NFIC: variants seen among roughly 807,000 people sequenced by gnomAD.
The protein encoded by NFIC is nuclear factor I C.
A neutral mutation model predicts 54.4 loss-of-function variants in NFIC; 12 were observed. The observed-to-expected ratio is 0.22, with a 90% CI of 0.14 to 0.36. NFIC has a LOEUF of 0.36. Among genes scored for constraint, NFIC ranks in the 10% least tolerant of loss-of-function variants. The probability of loss-of-function intolerance (pLI) is 1.00; values close to 1 mark genes in which losing one functional copy is unlikely to be tolerated. For missense variants in NFIC, 575 were observed against 718.2 expected (o/e 0.80, Z 2.28); for synonymous variants, 322 against 319.2 (o/e 1.01, Z -0.09).
intron 1 of NFIC, among the ~76,000 whole-genome samples, chr19:3,377,459 A>G (rs2081128768): frequency 6.6e-6 from 1 of 151,912 alleles, no homozygotes; most frequent in African/African-American, 2.4e-5. Context: ...CTGTGCTAGG[A>G]AGGGATCACC....
Position 3,468,451 on chromosome 19 carries a change from C to G in NFIC, c.*5682C>G, listed in dbSNP as rs2122001726. Reference sequence around the variant, plus strand: ...GCCAGGCCCCCCCAAAACCAAAGCCCCCTCAAGTCCTGGGGTCCCAGCCTG... The same window carrying G: ...GCCAGGCCCCCCCAAAACCAAAGCCGCCTCAAGTCCTGGGGTCCCAGCCTG... On this transcript the variant is annotated 3_prime_UTR_variant, in exon 11 of 11. Coordinates refer to ENST00000443272, the MANE Select transcript of NFIC (RefSeq NM_001245002.2). The G allele has an allele frequency of 6.6e-6, 1 of 152,288 alleles. No homozygotes were observed. Among genetic ancestry groups the G allele is most frequent in the African/African-American group, 2.4e-5 (1 of 41,506 alleles). 9.4% of individuals were successfully genotyped at this position (152,288 alleles called of 1,614,324 possible).
chr19:3,444,026 G>A (rs1374441616), intron 6 of NFIC, among the ~76,000 whole-genome samples: 4 of 152,330 alleles, frequency 2.6e-5, no homozygotes, highest in Admixed American at 1.3e-4. Flanking sequence ...TGGGGGAGCC[G>A]GCATTTCAGT....
chr19:3,440,013 G>A lies in NFIC; in HGVS notation c.958+4806G>A, dbSNP rs189595127. 3.7e-4 allele frequency among the ~76,000 whole-genome samples: 57 copies of A among 152,186 alleles called. No homozygotes were observed. In the East Asian group the frequency reaches 0.01, roughly 27 times the overall value. ...AAACACTGGAAGAATTTTAACACCC[G>A]TGGCCCAGGGCTGGACTTTACGTAA... is the stretch of plus-strand genomic sequence containing the variant. On this transcript the variant is annotated intron_variant, in intron 6 of 10. Transcript: ENST00000443272.
rs143420372 is a variant in NFIC, at chr19:3,368,582, G to A, written c.30+1916G>A. Among the ~76,000 whole-genome samples, 185 of 152,294 alleles carry A rather than the reference G, an allele frequency of 1.2e-3. 1 individual carries two copies. Among genetic ancestry groups the A allele is most frequent in the African/African-American group, 4.2e-3 (176 of 41,552 alleles). On this transcript the variant is annotated intron_variant, in intron 1 of 10. Transcript: ENST00000443272. ...GCTCCCAGGCCAGAGTGGGGACAGC[G>A]AGTCCCAAGTGCAGGGGGCTCCCTC...
At chr19:3,385,544 G>GT (rs1021841079) in intron 2 of NFIC, among the ~76,000 whole-genome samples, 3 of 149,078 alleles carry the variant, frequency 2.0e-5, no homozygotes, top group Non-Finnish European at 4.5e-5. Context: ...ATTGGTTTGG[G>GT]TTTTTTGGGG....
intron 6 of NFIC, among the ~76,000 whole-genome samples, chr19:3,441,368 C>G (rs186716610): frequency 6.6e-6 from 1 of 152,374 alleles, no homozygotes; most frequent in Admixed American, 6.5e-5. Flanking sequence ...TATTTCCCCT[C>G]CCGGCAACAC....
rs1309727555 is a variant in NFIC, at chr19:3,467,116, A to T, written c.*4347A>T. ...GTTGGTTTTTTGTTTTTGTTTTTTT[A>T]ACATGTATGAAACTGACATCTTCTC... On this transcript the variant is annotated 3_prime_UTR_variant, in exon 11 of 11. Coordinates refer to ENST00000443272, the MANE Select transcript of NFIC (RefSeq NM_001245002.2). The T allele has an allele frequency of 7.4e-6, 1 of 136,036 alleles. No individual in the cohort carries two copies. Among genetic ancestry groups the T allele is most frequent in the African/African-American group, 3.6e-5 (1 of 27,790 alleles). The allele number at this position is 136,036 out of a possible 1,614,324, so 8.4% of individuals were successfully genotyped here.
intron 2 of NFIC, among the ~76,000 whole-genome samples, chr19:3,400,272 G>A (rs903977406): frequency 7.9e-5 from 12 of 151,980 alleles, no homozygotes; most frequent in Non-Finnish European, 1.8e-4. Flanking sequence ...TCAGGAGATC[G>A]AGACCATCCT....
intron 3 of NFIC, among the ~76,000 whole-genome samples, chr19:3,426,760 G>C (rs1450411287): frequency 2.0e-5 from 3 of 151,894 alleles, no homozygotes; most frequent in African/African-American, 7.3e-5. Context: ...ACCAGACCCA[G>C]TCCTGCCTCA....
rs1568402774 is a variant in NFIC, at chr19:3,375,126, C to G, written c.31-6586C>G. On this transcript the variant is annotated intron_variant, in intron 1 of 10. Transcript: ENST00000443272. This position sits in a 1 kb window ranked among gnomAD's most constrained non-coding sequence, Gnocchi z 4.6. ...AGAGGGGAAGTGGGGAGGGGGAATT[C>G]AGAGAGAGAGGGGGGTTGGGGAGAG... Among the ~76,000 whole-genome samples, 1 of 126,094 alleles carries G rather than the reference C, an allele frequency of 7.9e-6. No homozygotes were observed. The highest frequency in any genetic ancestry group is 3.0e-5 in the African/African-American group (1 of 33,394). 82.7% of individuals were successfully genotyped at this position (126,094 alleles called of 152,430 possible). A position where few individuals can be genotyped will look rare whatever the true frequency, so the allele number is the denominator to read the frequency against.
chr19:3,370,556 C>A lies in NFIC; in HGVS notation c.30+3890C>A, dbSNP rs1051667731. Among the ~76,000 whole-genome samples the A allele has an allele frequency of 4.7e-5, 7 of 149,174 alleles. No individual in the cohort carries two copies. The highest frequency in any genetic ancestry group is 2.0e-4 in the Admixed American group (3 of 14,974). On this transcript the variant is annotated intron_variant, in intron 1 of 10. Transcript: ENST00000443272. This position sits in a 1 kb window ranked among gnomAD's most constrained non-coding sequence, Gnocchi z 5.2. ...CTCTCTCCTCCTCTCTCCCTCTCTCCTTCTCTGTCTCCCTTTCCGTCTTTC... is the reference window on the plus strand; with the variant it reads ...CTCTCTCCTCCTCTCTCCCTCTCTCATTCTCTGTCTCCCTTTCCGTCTTTC...
chr19:3,443,870 T>G (rs2082330023), intron 6 of NFIC, among the ~76,000 whole-genome samples: 1 of 152,166 alleles, frequency 6.6e-6, no homozygotes. Context: ...GAGGAGACCT[T>G]GGTGCACTGT....
In NFIC at chr19:3,462,745, C is replaced by A; in HGVS notation, c.1510-7C>A. 6.2e-7 allele frequency: 1 copy of A among 1,613,820 alleles called. No homozygotes were observed. The highest frequency in any genetic ancestry group is 8.5e-7 in the Non-Finnish European group (1 of 1,179,950). On this transcript the variant is annotated splice_polypyrimidine_tract_variant and splice_region_variant and intron_variant, in intron 10 of 10. Coordinates refer to ENST00000443272, the MANE Select transcript of NFIC (RefSeq NM_001245002.2). ...CTCCCTCTTTCTGTCGCCACTGGGC[C>A]ACTCAGTCCTGGTATCTGGGATAGC...
rs11668684 is a variant in NFIC, at chr19:3,375,942, A to G, written c.31-5770A>G. 0.43 allele frequency among the ~76,000 whole-genome samples: 65,761 copies of G among 151,790 alleles called. 14,317 individuals are homozygous for G. Among genetic ancestry groups the G allele is most frequent in the South Asian group, 0.49 (2,363 of 4,808 alleles). On this transcript the variant is annotated intron_variant, in intron 1 of 10. Coordinates refer to ENST00000443272, the MANE Select transcript of NFIC (RefSeq NM_001245002.2). This position sits in a 1 kb window ranked among gnomAD's most constrained non-coding sequence, Gnocchi z 4.6. ...CTGAGACCCCAATCTTACAGAGAAC[A>G]GGCTGTTCTGAGAAAGGGACCCGTG...
chr19:3,403,268 CTGG>C (rs1318504908), intron 2 of NFIC, among the ~76,000 whole-genome samples: 4 of 152,306 alleles, frequency 2.6e-5, no homozygotes, highest in African/African-American at 9.6e-5. Flanking sequence ...TTTGTGCCCT[CTGG>C]TTTCCAGCCC....
intron 1 of NFIC, among the ~76,000 whole-genome samples, chr19:3,376,187 AGAGGGGCC>A (rs1310639450): frequency 2.6e-5 from 4 of 152,022 alleles, no homozygotes; most frequent in Non-Finnish European, 5.9e-5. Context: ...CCAGCATCTT[AGAGGGGCC>A]GAGGCGGGAG....
chr19:3,422,087 C>A (rs13382134), intron 2 of NFIC, among the ~76,000 whole-genome samples: 2,901 of 152,200 alleles, frequency 0.019, 91 homozygotes, highest in African/African-American at 0.065. Context: ...CAGGCATGCA[C>A]CACCATGCCC....
chr19:3,434,533 C>G, intron 5 of NFIC, 133 bp downstream of exon 5: 1 of 1,335,260 alleles, frequency 7.5e-7, no homozygotes, highest in Non-Finnish European at 1.0e-6. Context: ...GAAACTCCTA[C>G]TCATCTCATC....
chr19:3,394,513 T>TCCC (rs1192475558), intron 2 of NFIC, among the ~76,000 whole-genome samples: 18 of 8,996 alleles, frequency 2.0e-3, no homozygotes, highest in African/African-American at 4.7e-3. Flanking sequence ...TTATGATCTT[T>TCCC]TCCCCACCCA....
Sources: allele counts gnomAD v4.1 joint callset (sites outside exome capture counted in the v4.1 genomes callset), GRCh38; gene constraint gnomAD v4.1.1; non-coding constraint Gnocchi (gnomAD v3.1); transcripts MANE v1.5; gene names NCBI Gene and HGNC (gene_info 2026-07-23, HGNC 2026-07-21).